The following ANXA2 variants were observed in gnomAD, a reference collection of about 807,000 sequenced individuals.
ANXA2 encodes annexin A2.
ANXA2 carries 28 observed loss-of-function variants against 47.3 expected under a neutral mutation model. The observed-to-expected ratio is 0.59, with a 90% CI of 0.44 to 0.81. ANXA2 has a LOEUF of 0.81. Ranked by LOEUF, ANXA2 falls within the 40% of genes least tolerant of loss-of-function variation. The pLI is 0.00. For missense variants in ANXA2, 384 were observed against 414.3 expected, an observed-to-expected ratio of 0.93 and a Z score of 0.64; for synonymous variants, 172 against 155.5, an observed-to-expected ratio of 1.11 and a Z score of -0.79.
rs79388360 is a variant in ANXA2, at chr15:60,347,719, T to C, written c.961-30A>G. The C allele has an allele frequency of 1.7e-3, 2,701 of 1,608,398 alleles. 41 individuals are homozygous for C. In the African/African-American group the frequency reaches 0.032, roughly 19 times the overall value. Reference sequence around the variant, plus strand: ...AATGGCCCAGGAAAGAAAAGAAACGTGGTATCAGAAAAAAGCCCAGACTCC... The same window carrying C: ...AATGGCCCAGGAAAGAAAAGAAACGCGGTATCAGAAAAAAGCCCAGACTCC... On this transcript the variant is annotated intron_variant, in intron 12 of 12. Coordinates refer to ENST00000451270, the MANE Select transcript of ANXA2 (RefSeq NM_004039.3).
intron 3 of ANXA2, among the ~76,000 whole-genome samples, chr15:60,375,633 T>C (rs2062765790): frequency 6.6e-6 from 1 of 152,228 alleles, no homozygotes; most frequent in African/African-American, 2.4e-5. Context: ...ACTCAGTTTC[T>C]AACCAGACAT....
At chr15:60,366,361 G>C (rs1202649880) in intron 3 of ANXA2, among the ~76,000 whole-genome samples, 1 of 149,616 alleles carries the variant, frequency 6.7e-6, no homozygotes, top group Non-Finnish European at 1.5e-5. Context: ...GGAAAGTGAG[G>C]AGCGCCTCTT....
chr15:60,382,618 C>G (rs2062878422), intron 2 of ANXA2, 177 bp from the exon 3 acceptor site: 1 of 475,938 alleles, frequency 2.1e-6, no homozygotes. Context: ...TTCATTTTTT[C>G]TAATAAGAAT....
In ANXA2 at chr15:60,390,257, C is replaced by T. The variant is rs143742894; in HGVS notation, c.-11-4171G>A. The T allele has an allele frequency of 4.8e-6, 5 of 1,033,374 alleles. No homozygotes were observed. In the African/African-American group the frequency reaches 8.6e-5, roughly 18 times the overall value. The allele number at this position is 1,033,374 out of a possible 1,614,324, so 64.0% of individuals were successfully genotyped here. ...AATTTGACATTATCCCATGCAGGTG[C>T]CTTTTGTATCCATATAAATATTTCC... On this transcript the variant is annotated intron_variant, in intron 1 of 12. Coordinates refer to ENST00000451270, the MANE Select transcript of ANXA2 (RefSeq NM_004039.3).
intron 1 of ANXA2, among the ~76,000 whole-genome samples, chr15:60,388,701 C>T (rs1256172970): frequency 6.8e-6 from 1 of 148,054 alleles, no homozygotes; most frequent in Non-Finnish European, 1.5e-5. Flanking sequence ...TACCAAAGCA[C>T]TGAGATTACA....
intron 6 of ANXA2, among the ~76,000 whole-genome samples, chr15:60,356,524 AG>A (rs1229742591): frequency 1.3e-5 from 2 of 152,244 alleles, no homozygotes; most frequent in African/African-American, 4.8e-5. Flanking sequence ...ACAAAAAAAA[AG>A]ATAAATGTGT....
chr15:60,388,505 T>C (rs1230143810), intron 1 of ANXA2, among the ~76,000 whole-genome samples: 1 of 152,022 alleles, frequency 6.6e-6, no homozygotes, highest in Admixed American at 6.6e-5. Flanking sequence ...CAATAATTTA[T>C]ATATTGATCA....
chr15:60,381,456 T>C (rs777152080), intron 3 of ANXA2, among the ~76,000 whole-genome samples: 4 of 152,222 alleles, frequency 2.6e-5, no homozygotes, highest in Non-Finnish European at 4.4e-5. Flanking sequence ...ACCCCAAGGA[T>C]TGCTTAATTA....
intron 3 of ANXA2, among the ~76,000 whole-genome samples, chr15:60,368,860 T>G (rs1487453687): frequency 6.6e-6 from 1 of 152,232 alleles, no homozygotes; most frequent in African/African-American, 2.4e-5. Flanking sequence ...ATACTTCAGT[T>G]AGAAAACACA....
At chr15:60,369,337 T>C (rs1272956606) in intron 3 of ANXA2, among the ~76,000 whole-genome samples, 1 of 152,270 alleles carries the variant, frequency 6.6e-6, no homozygotes, top group Admixed American at 6.5e-5. Context: ...TCTATGGCTC[T>C]AGGTTTCTAT....
chr15:60,363,282 G>T (rs1193832290), intron 4 of ANXA2, among the ~76,000 whole-genome samples: 1 of 152,152 alleles, frequency 6.6e-6, no homozygotes, highest in Non-Finnish European at 1.5e-5. Flanking sequence ...AGTGAAAGAA[G>T]AATTTTAATG....
At chr15:60,383,877 G>A (rs1717393485) in intron 2 of ANXA2, 1 of 152,278 alleles carries the variant, frequency 6.6e-6, no homozygotes, top group South Asian at 2.1e-4. Flanking sequence ...TATTAGCACT[G>A]AGACTGTATA....
At chr15:60,371,830 A>T (rs907993851) in intron 3 of ANXA2, among the ~76,000 whole-genome samples, 1 of 152,198 alleles carries the variant, frequency 6.6e-6, no homozygotes, top group African/African-American at 2.4e-5. Flanking sequence ...GGGTGTGTAC[A>T]CGTGGACGTA....
intron 7 of ANXA2, among the ~76,000 whole-genome samples, chr15:60,355,207 G>C (rs754796962): frequency 2.6e-5 from 4 of 152,182 alleles, no homozygotes; most frequent in Non-Finnish European, 5.9e-5. Context: ...TTGAACAGAG[G>C]AGTAAAATGG....
Position 60,397,980 on chromosome 15 carries a change from G to A in ANXA2, c.-49C>T. Reference sequence around the variant, plus strand: ...CCGAGAGCTGAGAGCGTCCCCAAATGCTGAGCAGAGCCGGCTGGCCTGGGT... The same window carrying A: ...CCGAGAGCTGAGAGCGTCCCCAAATACTGAGCAGAGCCGGCTGGCCTGGGT... On this transcript the variant is annotated 5_prime_UTR_variant, in exon 1 of 13. Coordinates refer to ENST00000451270, the MANE Select transcript of ANXA2 (RefSeq NM_004039.3). 8.2e-7 allele frequency: 1 copy of A among 1,225,448 alleles called. No individual in the cohort carries two copies. The allele number at this position is 1,225,448 out of a possible 1,614,324, so 75.9% of individuals were successfully genotyped here.
intron 3 of ANXA2, 148 bp from the exon 4 acceptor site, chr15:60,364,671 T>G: frequency 3.4e-6 from 2 of 592,086 alleles, no homozygotes; most frequent in Non-Finnish European, 2.9e-6. Flanking sequence ...GTTCTATCTC[T>G]TTCGTCAGCA....
At chr15:60,365,897 G>A (rs950305210) in intron 3 of ANXA2, among the ~76,000 whole-genome samples, 2 of 117,434 alleles carry the variant, frequency 1.7e-5, no homozygotes, top group Non-Finnish European at 3.4e-5. Flanking sequence ...CTCTGATGCC[G>A]AGCCAAAGCT....
At chr15:60,393,675 T>A (rs938923314) in intron 1 of ANXA2, 2 of 985,322 alleles carry the variant, frequency 2.0e-6, no homozygotes, top group African/African-American at 3.5e-5. Context: ...CAGGAAATCA[T>A]AAATGCCGCC....
intron 1 of ANXA2, among the ~76,000 whole-genome samples, chr15:60,396,683 G>A (rs1238755750): frequency 1.3e-5 from 2 of 152,314 alleles, no homozygotes; most frequent in South Asian, 2.1e-4. Context: ...CTGCAACACT[G>A]TTTCAGTGGG....
Sources: gnomAD v4.1 joint callset for allele counts (sites outside exome capture counted in the v4.1 genomes callset) on GRCh38, gnomAD v4.1.1 for gene constraint, MANE v1.5 for transcripts, NCBI Gene and HGNC (gene_info 2026-07-23, HGNC 2026-07-21) for gene names.